The following BCAS3 variants were observed in gnomAD, a reference collection of about 807,000 sequenced individuals.
BCAS3 encodes the protein BCAS3 microtubule associated cell migration factor, also known as BCAS4/BCAS3 fusion.
In BCAS3, 53 loss-of-function variants were observed where a neutral mutation model predicts 116.1. The ratio of observed to expected loss-of-function variants is 0.46; its 90% CI spans 0.37 to 0.57. The LOEUF is 0.57. BCAS3 is among the 20% of genes least tolerant of loss of function. The pLI is 0.00. For synonymous variants in BCAS3, 391 were observed against 408.2 expected (o/e 0.96, Z 0.51); for missense variants, 917 against 1,165.4 (o/e 0.79, Z 3.10).
chr17:61,375,945 G>A (rs989648911), intron 23 of BCAS3, among the ~76,000 whole-genome samples: 2 of 152,162 alleles, frequency 1.3e-5, no homozygotes, highest in Non-Finnish European at 2.9e-5. Flanking sequence ...ATCAGTATTC[G>A]CTACAGAAAG....
intron 23 of BCAS3, chr17:61,383,713 G>C (rs1272826634): frequency 6.6e-6 from 1 of 152,294 alleles, no homozygotes; most frequent in Admixed American, 6.5e-5. Context: ...TGGAATGAGA[G>C]ACTGTGATTT....
chr17:60,819,919 T>C (rs2049778445), intron 7 of BCAS3, among the ~76,000 whole-genome samples: 1 of 151,974 alleles, frequency 6.6e-6, no homozygotes, highest in Non-Finnish European at 1.5e-5. Flanking sequence ...TGAGCCACCA[T>C]GCCTGGTTTA....
chr17:60,808,808 C>A (rs943190725), intron 7 of BCAS3, among the ~76,000 whole-genome samples: 3 of 151,894 alleles, frequency 2.0e-5, no homozygotes, highest in African/African-American at 4.8e-5. Flanking sequence ...TGATGTATGA[C>A]AGGAATGCAG....
intron 22 of BCAS3, among the ~76,000 whole-genome samples, chr17:61,146,044 C>A (rs113938902): frequency 6.6e-6 from 1 of 152,008 alleles, no homozygotes; most frequent in African/African-American, 2.4e-5. Context: ...GAGGACTCAT[C>A]CCCCTATGCA....
intron 22 of BCAS3, among the ~76,000 whole-genome samples, chr17:61,232,402 G>A (rs1318660203): frequency 7.2e-6 from 1 of 139,138 alleles, no homozygotes; most frequent in African/African-American, 2.7e-5. Flanking sequence ...AAAAAAAGGT[G>A]GGGGGTGGGG....
chr17:60,737,829 T>C (rs144736702), intron 5 of BCAS3, among the ~76,000 whole-genome samples: 4,825 of 152,120 alleles, frequency 0.032, 241 homozygotes, highest in African/African-American at 0.11. Flanking sequence ...TCTTGTTGCC[T>C]GGGCTGGAGT....
chr17:61,069,737 C>T, intron 19 of BCAS3: 1 of 594,214 alleles, frequency 1.7e-6, no homozygotes, highest in Non-Finnish European at 3.0e-6. Context: ...ACTCAGGAGG[C>T]TGAGGTGGGA....
intron 14 of BCAS3, among the ~76,000 whole-genome samples, chr17:60,976,020 C>CTTTTTTTTGTTTTTT (rs2062328030): frequency 1.0e-5 from 1 of 98,284 alleles, no homozygotes; most frequent in Non-Finnish European, 1.8e-5. Flanking sequence ...TAGATTTTTG[C>CTTTTTTTTGTTTTTT]TTTTTTTTTT....
chr17:61,311,664 G>T (rs1353738188), intron 22 of BCAS3, among the ~76,000 whole-genome samples: 1 of 152,196 alleles, frequency 6.6e-6, no homozygotes, highest in Non-Finnish European at 1.5e-5. Context: ...GGAGGCCGAG[G>T]CGGGCAGATA....
intron 22 of BCAS3, among the ~76,000 whole-genome samples, chr17:61,345,916 C>T (rs567815997): frequency 3.3e-5 from 5 of 152,226 alleles, no homozygotes; most frequent in South Asian, 2.1e-4. Context: ...TGTGGGCTTT[C>T]TAAGCTTAAA....
At position 61,219,782 on chromosome 17, in the gene BCAS3, A is replaced by G. The variant is rs115152913; in HGVS notation, c.2425+135218A>G. 8.8e-3 allele frequency among the ~76,000 whole-genome samples: 1,341 copies of G among 152,180 alleles called. 23 individuals are homozygous for G. The highest frequency in any genetic ancestry group is 0.031 in the African/African-American group (1,275 of 41,514). ...GCCTTCCTGGTGACAAGCACTTCTT[A>G]TTTGGGCTGAGCAGTACTAGGACTT... On this transcript the variant is annotated intron_variant, in intron 22 of 23. Transcript: ENST00000407086. This position sits in a 1 kb window ranked among gnomAD's most constrained non-coding sequence, Gnocchi z 5.2.
chr17:61,133,316 T>G (rs990946682), intron 22 of BCAS3, among the ~76,000 whole-genome samples: 4 of 152,150 alleles, frequency 2.6e-5, no homozygotes, highest in South Asian at 2.1e-4. Context: ...TCTATTGAGG[T>G]TGGGTCCATC....
chr17:60,767,951 C>T (rs1338613954), intron 6 of BCAS3, among the ~76,000 whole-genome samples: 5 of 152,134 alleles, frequency 3.3e-5, no homozygotes, highest in Non-Finnish European at 7.3e-5. Context: ...CAGGCATGTG[C>T]CACAGTACCT....
intron 10 of BCAS3, among the ~76,000 whole-genome samples, chr17:60,890,460 G>GAA (rs903010300): frequency 5.6e-5 from 8 of 142,272 alleles, no homozygotes; most frequent in Non-Finnish European, 1.1e-4. Context: ...CTCAAAAAAG[G>GAA]AAAAAAAAAA....
chr17:60,863,586 AT>A (rs1185394882), intron 7 of BCAS3, among the ~76,000 whole-genome samples: 13 of 152,074 alleles, frequency 8.5e-5, no homozygotes, highest in African/African-American at 2.7e-4. Context: ...GTCTAAAAAA[AT>A]AAAATAAAAT....
rs900207398 is a variant in BCAS3 at position 61,381,156 on chromosome 17, A to G, written c.2594-10821A>G. The stretch of plus-strand genomic sequence containing the variant: ...ACATTTGGTTAACCCCTTCCTACCC[A>G]CGGGAGGACTGACAGAACAAATGCA... On this transcript the variant is annotated intron_variant, in intron 23 of 23. Coordinates refer to ENST00000407086, the MANE Select transcript of BCAS3 (RefSeq NM_017679.5). The surrounding 1 kb of genome is among the most constrained non-coding windows in gnomAD (Gnocchi z 6.0). 6.6e-6 allele frequency among the ~76,000 whole-genome samples: 1 copy of G among 152,166 alleles called. No homozygotes were observed. Among genetic ancestry groups the G allele is most frequent in the Non-Finnish European group, 1.5e-5 (1 of 68,030 alleles).
At chr17:60,800,439 G>T (rs2047670302) in intron 6 of BCAS3, among the ~76,000 whole-genome samples, 1 of 152,010 alleles carries the variant, frequency 6.6e-6, no homozygotes, top group South Asian at 2.1e-4. Context: ...TTTCTAATTG[G>T]ATTGTTGTTT....
At chr17:61,147,224 A>G (rs62082942) in intron 22 of BCAS3, among the ~76,000 whole-genome samples, 141,650 of 151,866 alleles carry the variant, frequency 0.93, 66,834 homozygotes, top group South Asian at 1. Context: ...ACAGGTACGC[A>G]CCACCACACC....
intron 22 of BCAS3, among the ~76,000 whole-genome samples, chr17:61,103,409 A>C (rs545344216): frequency 6.6e-6 from 1 of 152,302 alleles, no homozygotes; most frequent in Middle Eastern, 3.4e-3. Flanking sequence ...AGGAACTCCT[A>C]CTGACCTGAA....
Sources: gnomAD v4.1 joint callset for allele counts (sites outside exome capture counted in the v4.1 genomes callset) on GRCh38, gnomAD v4.1.1 for gene constraint, Gnocchi (gnomAD v3.1) non-coding constraint, MANE v1.5 for transcripts, NCBI Gene and HGNC (gene_info 2026-07-23, HGNC 2026-07-21) for gene names.